The following ZNF343 variants were observed in gnomAD, a reference collection of about 807,000 sequenced individuals.
The protein encoded by ZNF343 is zinc finger protein 343.
A neutral mutation model predicts 13.8 loss-of-function variants in ZNF343; 11 were observed. The ratio of observed to expected loss-of-function variants is 0.80; its 90% CI spans 0.50 to 1.32. The LOEUF (loss-of-function observed/expected upper bound fraction) is 1.32. Among genes scored for constraint, ZNF343 ranks in the 40% most tolerant of loss-of-function variants. ZNF343 has a pLI of 0.00. For missense variants in ZNF343, 658 were observed against 714.2 expected, an observed-to-expected ratio of 0.92 and a Z score of 0.90; for synonymous variants, 248 against 260.0, an observed-to-expected ratio of 0.95 and a Z score of 0.44.
At chr20:2,519,746 T>A (rs570705217) in intron 1 of ZNF343, among the ~76,000 whole-genome samples, 2 of 152,300 alleles carry the variant, frequency 1.3e-5, no homozygotes, top group South Asian at 4.1e-4. Context: ...GACATTTCAT[T>A]TGAGATGTTC....
intron 2 of ZNF343, among the ~76,000 whole-genome samples, chr20:2,497,009 G>C (rs2085470577): frequency 6.6e-6 from 1 of 152,102 alleles, no homozygotes; most frequent in South Asian, 2.1e-4. Context: ...GAACCCGGGA[G>C]ACAGAGGTTG....
intron 5 of ZNF343, among the ~76,000 whole-genome samples, chr20:2,489,883 G>A (rs2085339131): frequency 6.6e-6 from 1 of 152,118 alleles, no homozygotes; most frequent in African/African-American, 2.4e-5. Flanking sequence ...GCCGGGCTAT[G>A]GCTCACACCT....
upstream of ZNF343, among the ~76,000 whole-genome samples, chr20:2,509,693 T>C (rs1354471110): frequency 1.3e-5 from 2 of 152,184 alleles, no homozygotes; most frequent in Admixed American, 6.5e-5. Flanking sequence ...ATTTTAAAAC[T>C]AATAATATTT....
chr20:2,496,493 G>A (rs2085461165), intron 2 of ZNF343, among the ~76,000 whole-genome samples: 1 of 152,146 alleles, frequency 6.6e-6, no homozygotes, highest in Non-Finnish European at 1.5e-5. Context: ...AGAAGCCATT[G>A]GAGTATTTGG....
chr20:2,497,088 A>C (rs2085472570), intron 2 of ZNF343, among the ~76,000 whole-genome samples: 1 of 129,128 alleles, frequency 7.7e-6, no homozygotes, highest in African/African-American at 2.6e-5. Flanking sequence ...CTAAAAAAAA[A>C]AATTTTACCA....
chr20:2,496,152 A>G (rs532733128), intron 2 of ZNF343, among the ~76,000 whole-genome samples: 2 of 152,338 alleles, frequency 1.3e-5, no homozygotes, highest in African/African-American at 4.8e-5. Context: ...TGAGGGCACC[A>G]GAAGGATCCA....
chr20:2,484,761 T>A (rs1364749615), intron 5 of ZNF343, 105 bp from the exon 6 acceptor site: 1 of 1,011,742 alleles, frequency 9.9e-7, no homozygotes, highest in African/African-American at 1.6e-5. Flanking sequence ...CTATAATTGA[T>A]AATATAAGTA....
intron 5 of ZNF343, among the ~76,000 whole-genome samples, chr20:2,490,437 T>C (rs181572740): frequency 3.3e-5 from 5 of 152,276 alleles, no homozygotes; most frequent in South Asian, 2.1e-4. Context: ...AGGAATGCAA[T>C]TGGGATCCAG....
upstream of ZNF343, among the ~76,000 whole-genome samples, chr20:2,511,427 G>T (rs1159830824): frequency 1.3e-5 from 2 of 152,114 alleles, no homozygotes; most frequent in Non-Finnish European, 2.9e-5. Flanking sequence ...ACCAATTTCT[G>T]TTTATTCAAA....
At position 2,483,231 on chromosome 20, in the gene ZNF343, T is replaced by A; in HGVS notation, c.1730A>T (p.Tyr577Phe). The change falls in exon 6 of 6, where the codon TAT becomes TTT. Residue 577 changes from tyrosine to phenylalanine, a missense_variant. Transcript: ENST00000278772. Reference protein sequence around the residue: ...HQRTHSGEKHYVCRECGRGFS... With the variant: ...HQRTHSGEKHFVCRECGRGFS... Reference sequence around the variant, plus strand: ...GCCTCGCCCACACTCCCTACAAACATAATGCTTCTCCCCTGAGTGTGTCCT... The same window carrying A: ...GCCTCGCCCACACTCCCTACAAACAAAATGCTTCTCCCCTGAGTGTGTCCT... The A allele has an allele frequency of 1.2e-6, 2 of 1,612,834 alleles. No individual in the cohort carries two copies. Among genetic ancestry groups the A allele is most frequent in the Non-Finnish European group, 1.7e-6 (2 of 1,179,584 alleles).
chr20:2,500,280 CA>C (rs1376159788), intron 2 of ZNF343, among the ~76,000 whole-genome samples: 3 of 152,200 alleles, frequency 2.0e-5, no homozygotes, highest in Non-Finnish European at 2.9e-5. Flanking sequence ...TCCTAACTTT[CA>C]AATTGTTGAG....
chr20:2,490,171 TG>T (rs964366054), intron 5 of ZNF343, among the ~76,000 whole-genome samples: 1 of 152,008 alleles, frequency 6.6e-6, no homozygotes, highest in South Asian at 2.1e-4. Flanking sequence ...AGGAGAAAGA[TG>T]GGGATGAAGC....
At chr20:2,509,137 C>A (rs2085719505), upstream of ZNF343, 1 of 152,210 alleles carries the variant, frequency 6.6e-6, no homozygotes, top group Non-Finnish European at 1.5e-5. Flanking sequence ...GACTACACTC[C>A]CCACAAGCCT....
rs550236311 is a variant in ZNF343, at chr20:2,518,306, C to T, written c.-347+6149G>A. Among the ~76,000 whole-genome samples the T allele has an allele frequency of 1.4e-4, 21 of 152,208 alleles. No homozygotes were observed. In the East Asian group the frequency reaches 3.5e-3, roughly 25 times the overall value. ...TGTTAGAATTACAGGCGTGAGCCAC[C>T]GCGCCCAGCCTCAAAGATTTATTTC... On this transcript the variant is annotated intron_variant, in intron 1 of 6. Coordinates refer to the ZNF343 transcript ENST00000358413. The surrounding 1 kb of genome is among the most constrained non-coding windows in gnomAD (Gnocchi z 4.6).
chr20:2,493,783 G>A lies in ZNF343; in HGVS notation c.113C>T (p.Ala38Val), dbSNP rs202190084. 6.5e-5 allele frequency: 105 copies of A among 1,611,144 alleles called. 2 individuals carry two copies. The highest frequency in any genetic ancestry group is 4.9e-4 in the Middle Eastern group (3 of 6,084). ...TMKKLTQNHKAKGLPSNDTDC... is the reference protein window; with the variant it reads ...TMKKLTQNHKVKGLPSNDTDC... Reference sequence around the variant, plus strand: ...GCTCCCTCAACAATTCTCACCTTTCGCTTTATGATTTTGGGTCAATTTCTT... The same window carrying A: ...GCTCCCTCAACAATTCTCACCTTTCACTTTATGATTTTGGGTCAATTTCTT... Residue 38 changes from alanine to valine, a missense_variant, in exon 3 of 6, where the codon GCG (alanine) becomes GTG (valine). Ala to Val is a moderately conservative substitution (Grantham distance 64). Coordinates refer to ENST00000278772, the MANE Select transcript of ZNF343 (RefSeq NM_024325.6).
chr20:2,491,795 C>A (rs1244359280), intron 5 of ZNF343: 1 of 152,108 alleles, frequency 6.6e-6, no homozygotes, highest in African/African-American at 2.4e-5. Context: ...TTGGCCAACC[C>A]CTGATCTAGA....
At position 2,518,651 on chromosome 20, in the gene ZNF343, C is replaced by T. The variant is rs118041536; in HGVS notation, c.-347+5804G>A. Among the ~76,000 whole-genome samples the T allele has an allele frequency of 5.6e-3, 848 of 152,200 alleles. 5 individuals are homozygous for T. The highest frequency in any genetic ancestry group is 0.01 in the Middle Eastern group (3 of 294). ...TCCAACATACCACATGCTCTCAGCC[C>T]CGTGTCCACTTCCCTACACCACTTG... On this transcript the variant is annotated intron_variant, in intron 1 of 6. Coordinates refer to the ZNF343 transcript ENST00000358413. The surrounding 1 kb of genome is among the most constrained non-coding windows in gnomAD (Gnocchi z 4.6).
chr20:2,515,791 T>A (rs544574420), intron 1 of ZNF343, among the ~76,000 whole-genome samples: 1 of 152,310 alleles, frequency 6.6e-6, no homozygotes, highest in East Asian at 1.9e-4. Flanking sequence ...AACTTCAACC[T>A]TAGACTTCGA....
At chr20:2,486,951 C>G (rs1322135878) in intron 5 of ZNF343, among the ~76,000 whole-genome samples, 2 of 152,162 alleles carry the variant, frequency 1.3e-5, no homozygotes, top group East Asian at 3.8e-4. Context: ...GACATGGTCT[C>G]TATCATGACT....
Sources: allele counts gnomAD v4.1 joint callset (sites outside exome capture counted in the v4.1 genomes callset), GRCh38; gene constraint gnomAD v4.1.1; non-coding constraint Gnocchi (gnomAD v3.1); transcripts MANE v1.5; gene names NCBI Gene and HGNC (gene_info 2026-07-23, HGNC 2026-07-21).